RERE: variants seen among roughly 807,000 people sequenced by gnomAD.
RERE encodes arginine-glutamic acid dipeptide repeats protein.
Under a neutral mutation model 146.1 loss-of-function variants are expected in RERE, and 40 were observed. That is an observed-to-expected ratio of 0.27 (90% CI 0.21 to 0.36). RERE has a LOEUF of 0.36. RERE is among the 10% of genes least tolerant of loss of function. The pLI is 1.00. For synonymous variants in RERE, 1,003 were observed against 866.0 expected (o/e 1.16, Z -2.78); for missense variants, 1,933 against 2,138.7 (o/e 0.90, Z 1.90).
intron 10 of RERE, among the ~76,000 whole-genome samples, chr1:8,488,601 A>C (rs1162987578): frequency 6.6e-6 from 1 of 152,218 alleles, no homozygotes; most frequent in East Asian, 1.9e-4. Flanking sequence ...ATGGAAATGG[A>C]AATTACCTCA....
intron 12 of RERE, among the ~76,000 whole-genome samples, chr1:8,368,758 A>C (rs950920727): frequency 2.6e-5 from 4 of 152,180 alleles, no homozygotes; most frequent in African/African-American, 9.7e-5. Flanking sequence ...AGTAACCTGC[A>C]GATCCCAGGT....
chr1:8,727,330 C>A (rs1377585319), intron 1 of RERE, among the ~76,000 whole-genome samples: 1 of 151,222 alleles, frequency 6.6e-6, no homozygotes, highest in Non-Finnish European at 1.5e-5. Context: ...TTCATAGAGA[C>A]AGAATTTCTC....
At chr1:8,509,275 A>G (rs944926469) in intron 7 of RERE, among the ~76,000 whole-genome samples, 1 of 152,096 alleles carries the variant, frequency 6.6e-6, no homozygotes, top group African/African-American at 2.4e-5. Context: ...CATGCCTCAG[A>G]GAGATGGACA....
At chr1:8,622,140 G>A (rs1157935506) in intron 3 of RERE, among the ~76,000 whole-genome samples, 2 of 152,126 alleles carry the variant, frequency 1.3e-5, no homozygotes, top group Non-Finnish European at 2.9e-5. Context: ...TTTTATTGCT[G>A]TTAATACCCT....
At chr1:8,637,366 AC>A (rs1187903780) in intron 2 of RERE, among the ~76,000 whole-genome samples, 2 of 152,086 alleles carry the variant, frequency 1.3e-5, no homozygotes, top group Non-Finnish European at 2.9e-5. Flanking sequence ...TGCTGGCACT[AC>A]TCAGTCTCCC....
At position 8,364,923 on chromosome 1, in the gene RERE, GGA is replaced by G; in HGVS notation, c.1448-87_1448-86del. 2 of 657,854 alleles carry G rather than the reference GGA, an allele frequency of 3.0e-6. No individual in the cohort carries two copies. The highest frequency in any genetic ancestry group is 3.0e-5 in the East Asian group (1 of 33,218). The allele number at this position is 657,854 out of a possible 1,614,324, so 40.8% of individuals were successfully genotyped here. A position where few individuals can be genotyped will look rare whatever the true frequency, so the allele number is the denominator to read the frequency against. On this transcript the variant is annotated intron_variant, in intron 13 of 22. Coordinates refer to ENST00000400908, the MANE Select transcript of RERE (RefSeq NM_001042681.2). This position sits in a 1 kb window ranked among gnomAD's most constrained non-coding sequence, Gnocchi z 5.1. ...GGGCCGGTGGGGTGGGGGGGAGGGG[GGA>G]ACACCTGTGACCTCTGGCCTACTGC...
intron 2 of RERE, among the ~76,000 whole-genome samples, chr1:8,652,434 C>T (rs951679310): frequency 1.3e-5 from 2 of 152,230 alleles, no homozygotes; most frequent in Admixed American, 1.3e-4. Flanking sequence ...TTAGCAATCT[C>T]CCTTCACATA....
chr1:8,755,368 T>C (rs1640614770), intron 1 of RERE, among the ~76,000 whole-genome samples: 1 of 152,216 alleles, frequency 6.6e-6, no homozygotes, highest in Non-Finnish European at 1.5e-5. Flanking sequence ...ACCACAAAAC[T>C]AAAAATCCAC....
intron 2 of RERE, among the ~76,000 whole-genome samples, chr1:8,625,050 T>C (rs1380137560): frequency 1.3e-5 from 2 of 152,270 alleles, no homozygotes; most frequent in Non-Finnish European, 2.9e-5. Flanking sequence ...GGTGCTTTCT[T>C]AAATTACATT....
intron 11 of RERE, among the ~76,000 whole-genome samples, chr1:8,427,180 G>C (rs2124478170): frequency 6.6e-6 from 1 of 152,262 alleles, no homozygotes; most frequent in Admixed American, 6.5e-5. Flanking sequence ...ATGAGATGCT[G>C]AGGGCCTGGG....
chr1:8,630,427 C>G (rs946200489), intron 2 of RERE, among the ~76,000 whole-genome samples: 2 of 152,076 alleles, frequency 1.3e-5, no homozygotes, highest in African/African-American at 4.8e-5. Context: ...AGAGAGAGAT[C>G]CTAGCAAGAA....
intron 4 of RERE, among the ~76,000 whole-genome samples, chr1:8,566,896 T>C (rs1646159518): frequency 6.6e-6 from 1 of 151,756 alleles, no homozygotes; most frequent in Admixed American, 6.6e-5. Flanking sequence ...GTTCCAGCAA[T>C]TCTCCTGCCT....
chr1:8,622,179 T>G (rs1311035889), intron 3 of RERE, among the ~76,000 whole-genome samples: 3 of 152,200 alleles, frequency 2.0e-5, no homozygotes, highest in East Asian at 3.8e-4. Flanking sequence ...AGCAGGAACC[T>G]CTGCCCAGAA....
At chr1:8,552,928 A>C (rs1210992820) in intron 6 of RERE, among the ~76,000 whole-genome samples, 2 of 151,992 alleles carry the variant, frequency 1.3e-5, no homozygotes, top group African/African-American at 4.8e-5. Context: ...GTTCACACAC[A>C]CGTGACACCA....
chr1:8,361,044 C>G lies in RERE; in HGVS notation c.2463G>C (p.Ser821=). ...PPSPHPPPHP[S]PHPPLQPLTG... ...TCAGAGGCTGCAGCGGGGGATGTGGCGAGGGATGCGGCGGGGGATGCGGTG... is the reference window on the plus strand; with the variant it reads ...TCAGAGGCTGCAGCGGGGGATGTGGGGAGGGATGCGGCGGGGGATGCGGTG... The change falls in exon 18 of 23, where the codon TCG becomes TCC. Residue 821 remains serine (S), a synonymous_variant. Transcript: ENST00000400908. 1 of 1,428,906 alleles carries G rather than the reference C, an allele frequency of 7.0e-7. No homozygotes were observed. Among genetic ancestry groups the G allele is most frequent in the Non-Finnish European group, 9.1e-7 (1 of 1,096,896 alleles). 88.5% of individuals were successfully genotyped at this position (1,428,906 alleles called of 1,614,324 possible). A position where few individuals can be genotyped will look rare whatever the true frequency, so the allele number is the denominator to read the frequency against.
rs1427837619 is a variant in RERE, at chr1:8,501,043, G to A, written c.880-3514C>T. On this transcript the variant is annotated intron_variant, in intron 8 of 22. Coordinates refer to ENST00000400908, the MANE Select transcript of RERE (RefSeq NM_001042681.2). ...CACCCCGTCCGGGAGGGGGGGGGGG[G>A]GTCAGCCCCCCGCCCGGCCAGCCGC... 1.2e-3 allele frequency among the ~76,000 whole-genome samples: 117 copies of A among 93,706 alleles called. 6 individuals carry two copies. The highest frequency in any genetic ancestry group is 3.0e-3 in the Admixed American group (26 of 8,716). The allele number at this position is 93,706 out of a possible 152,430, so 61.5% of individuals were successfully genotyped here.
At chr1:8,610,345 C>T (rs1488507855) in intron 4 of RERE, among the ~76,000 whole-genome samples, 1 of 152,022 alleles carries the variant, frequency 6.6e-6, no homozygotes, top group Non-Finnish European at 1.5e-5. Flanking sequence ...AATCCCAGCA[C>T]TTTGGGAGGC....
At chr1:8,465,327 ACT>A (rs1437228612) in intron 11 of RERE, 1 of 173,964 alleles carries the variant, frequency 5.7e-6, no homozygotes, top group Non-Finnish European at 1.3e-5. Flanking sequence ...TATTTCATCA[ACT>A]CTCTGCTTCC....
intron 1 of RERE, among the ~76,000 whole-genome samples, chr1:8,735,022 C>G (rs940515722): frequency 6.6e-6 from 1 of 152,152 alleles, no homozygotes; most frequent in Non-Finnish European, 1.5e-5. Flanking sequence ...ATACTTGATA[C>G]TTATTGTGTC....
Sources: gnomAD v4.1 joint callset for allele counts (sites outside exome capture counted in the v4.1 genomes callset) on GRCh38, gnomAD v4.1.1 for gene constraint, Gnocchi (gnomAD v3.1) non-coding constraint, MANE v1.5 for transcripts, NCBI Gene and HGNC (gene_info 2026-07-23, HGNC 2026-07-21) for gene names.